CERT1: variants seen among roughly 807,000 people sequenced by gnomAD.
CERT1 encodes ceramide transporter 1.
CERT1 carries 31 observed loss-of-function variants against 87.9 expected under a neutral mutation model. The observed-to-expected ratio is 0.35, with a 90% CI of 0.27 to 0.48. CERT1 has a LOEUF of 0.48. CERT1 is among the 20% of genes least tolerant of loss of function. CERT1 has a pLI of 0.99. For synonymous variants in CERT1, 289 were observed against 250.9 expected, an observed-to-expected ratio of 1.15 and a Z score of -1.44; for missense variants, 487 against 758.0, an observed-to-expected ratio of 0.64 and a Z score of 4.20.
At chr5:75,382,843 T>C (rs1761642620) in intron 14 of CERT1, among the ~76,000 whole-genome samples, 2 of 152,000 alleles carry the variant, frequency 1.3e-5, no homozygotes, top group Admixed American at 6.6e-5. Flanking sequence ...ATGTAGTTGA[T>C]AAATATAGTG....
chr5:75,408,369 T>C, intron 8 of CERT1, among the ~76,000 whole-genome samples: 1 of 152,182 alleles, frequency 6.6e-6, no homozygotes, highest in East Asian at 1.9e-4. Context: ...CTGGAAAACT[T>C]TGTAATTTGG....
At chr5:75,500,450 C>T (rs1767295702) in intron 2 of CERT1, among the ~76,000 whole-genome samples, 1 of 152,088 alleles carries the variant, frequency 6.6e-6, no homozygotes, top group Non-Finnish European at 1.5e-5. Context: ...ATTTTAAGTA[C>T]TTTCTACTTC....
At chr5:75,485,015 A>G in intron 2 of CERT1, among the ~76,000 whole-genome samples, 1 of 152,170 alleles carries the variant, frequency 6.6e-6, no homozygotes, top group Non-Finnish European at 1.5e-5. Flanking sequence ...ATTATCAAGT[A>G]CCTTCTCTGA....
chr5:75,404,899 C>G (rs1475595534), intron 8 of CERT1, among the ~76,000 whole-genome samples: 1 of 151,972 alleles, frequency 6.6e-6, no homozygotes, highest in Non-Finnish European at 1.5e-5. Flanking sequence ...ACCTAGTACT[C>G]AGGAGGAGGA....
intron 8 of CERT1, among the ~76,000 whole-genome samples, chr5:75,407,199 G>C (rs991183238): frequency 3.3e-5 from 5 of 151,966 alleles, no homozygotes; most frequent in Non-Finnish European, 7.4e-5. Context: ...GTGAATAAAG[G>C]ATGTTTATTC....
intron 2 of CERT1, among the ~76,000 whole-genome samples, chr5:75,497,166 A>G (rs765723265): frequency 2.6e-5 from 4 of 152,194 alleles, no homozygotes; most frequent in Non-Finnish European, 5.9e-5. Context: ...AATCTGTTCA[A>G]ACATGACACG....
chr5:75,477,233 T>C (rs1305117734), intron 2 of CERT1, among the ~76,000 whole-genome samples: 2 of 152,164 alleles, frequency 1.3e-5, no homozygotes, highest in Non-Finnish European at 2.9e-5. Context: ...TGTAAGTAAA[T>C]TTCTAAATGT....
intron 2 of CERT1, among the ~76,000 whole-genome samples, chr5:75,480,908 A>C (rs929039902): frequency 6.6e-6 from 1 of 152,046 alleles, no homozygotes; most frequent in African/African-American, 2.4e-5. Context: ...AGCATCTCTC[A>C]TCTGGATTAC....
chr5:75,380,619 T>C (rs1761532348), intron 16 of CERT1, among the ~76,000 whole-genome samples: 1 of 151,692 alleles, frequency 6.6e-6, no homozygotes, highest in South Asian at 2.1e-4. Flanking sequence ...AAACCCCGTC[T>C]CTACTAAAAA....
chr5:75,442,782 G>C (rs1267465923), intron 3 of CERT1, among the ~76,000 whole-genome samples: 3 of 152,232 alleles, frequency 2.0e-5, no homozygotes, highest in South Asian at 2.1e-4. Flanking sequence ...TAGGGGGAGA[G>C]AACGGAAAAG....
chr5:75,506,195 G>T, intron 1 of CERT1, 79 bp from the exon 2 acceptor site: 1 of 1,384,762 alleles, frequency 7.2e-7, no homozygotes, highest in Non-Finnish European at 9.9e-7. Context: ...TTGTGAAACA[G>T]CAATCTAATT....
chr5:75,388,623 T>TATATATATATATATCTCATGCATGC (rs1761906520), intron 12 of CERT1, among the ~76,000 whole-genome samples: 1 of 104,588 alleles, frequency 9.6e-6, no homozygotes, highest in Non-Finnish European at 2.1e-5. Flanking sequence ...TATATATATA[T>TATATATATATATATCTCATGCATGC]ATATATATAT....
chr5:75,455,110 T>C (rs1295983983), intron 3 of CERT1, among the ~76,000 whole-genome samples: 5 of 152,136 alleles, frequency 3.3e-5, no homozygotes, highest in African/African-American at 4.8e-5. Context: ...GTTCAGCAAA[T>C]AGATGCGATG....
chr5:75,449,585 T>C (rs1764693105), intron 3 of CERT1, among the ~76,000 whole-genome samples: 1 of 152,232 alleles, frequency 6.6e-6, no homozygotes, highest in African/African-American at 2.4e-5. Flanking sequence ...AGGGGACCTC[T>C]AGGCTCAGCT....
intron 5 of CERT1, among the ~76,000 whole-genome samples, chr5:75,423,098 T>C (rs1763455394): frequency 6.6e-6 from 1 of 152,258 alleles, no homozygotes; most frequent in Non-Finnish European, 1.5e-5. Flanking sequence ...TTGCTATTTA[T>C]TTAAACATGT....
intron 2 of CERT1, among the ~76,000 whole-genome samples, chr5:75,459,940 T>G (rs1765156375): frequency 8.0e-6 from 1 of 124,822 alleles, no homozygotes; most frequent in South Asian, 2.4e-4. Context: ...CCAGCCTGGG[T>G]GACAGAGTGA....
At chr5:75,371,034 A>C (rs1176652826) in intron 17 of CERT1, 1 of 152,182 alleles carries the variant, frequency 6.6e-6, no homozygotes, top group Non-Finnish European at 1.5e-5. Context: ...AAGAACACTG[A>C]ATTTCAAGCT....
intron 2 of CERT1, among the ~76,000 whole-genome samples, chr5:75,499,982 T>C (rs1438792355): frequency 2.6e-5 from 4 of 152,188 alleles, no homozygotes; most frequent in Non-Finnish European, 1.5e-5. Flanking sequence ...GAGATAACAG[T>C]GGAGTAGGTT....
intron 2 of CERT1, among the ~76,000 whole-genome samples, chr5:75,460,999 T>C (rs1765201836): frequency 6.6e-6 from 1 of 152,204 alleles, no homozygotes; most frequent in African/African-American, 2.4e-5. Flanking sequence ...CAGAAAGACA[T>C]AAGCGATAAC....
Sources: allele counts gnomAD v4.1 joint callset (sites outside exome capture counted in the v4.1 genomes callset), GRCh38; gene constraint gnomAD v4.1.1; transcripts MANE v1.5; gene names NCBI Gene and HGNC (gene_info 2026-07-23, HGNC 2026-07-21).